The following ADGRL2 variants were observed in gnomAD, a reference collection of about 807,000 sequenced individuals.
ADGRL2 encodes the protein adhesion G protein-coupled receptor L2.
In ADGRL2, 44 loss-of-function variants were observed where a neutral mutation model predicts 157.4. The observed-to-expected ratio is 0.28, with a 90% CI of 0.22 to 0.36. The LOEUF (loss-of-function observed/expected upper bound fraction) is 0.36. Ranked by LOEUF, ADGRL2 falls within the 10% of genes least tolerant of loss-of-function variation. ADGRL2 has a pLI of 1.00. For missense variants in ADGRL2, 1,510 were observed against 1,768.9 expected, an observed-to-expected ratio of 0.85 and a Z score of 2.63; for synonymous variants, 585 against 624.7, an observed-to-expected ratio of 0.94 and a Z score of 0.95.
At chr1:81,873,642 A>G (rs1479484985) in intron 2 of ADGRL2, among the ~76,000 whole-genome samples, 1 of 152,068 alleles carries the variant, frequency 6.6e-6, no homozygotes, top group Non-Finnish European at 1.5e-5. Flanking sequence ...TTTGCTGATC[A>G]TGTTAGATAG....
intron 1 of ADGRL2, among the ~76,000 whole-genome samples, chr1:81,329,703 T>A (rs548060216): frequency 5.1e-4 from 78 of 152,304 alleles, no homozygotes; most frequent in Non-Finnish European, 9.7e-4. Context: ...CACCAACTGT[T>A]TTTTAGATGC....
chr1:81,837,954 T>G (rs908100508), intron 2 of ADGRL2, among the ~76,000 whole-genome samples: 6 of 151,948 alleles, frequency 3.9e-5, no homozygotes, highest in Non-Finnish European at 8.8e-5. Context: ...GGGTATAAAA[T>G]CTCTGAGAAA....
At chr1:81,941,969 T>G in intron 4 of ADGRL2, 65 bp from the exon 5 acceptor site, 1 of 725,286 alleles carries the variant, frequency 1.4e-6, no homozygotes, top group South Asian at 1.5e-5. Context: ...AGTCAATTTA[T>G]TTTAATCTTT....
Position 81,772,123 on chromosome 1 carries a change from A to G in ADGRL2, c.-101+10271A>G, listed in dbSNP as rs891292018. Among the ~76,000 whole-genome samples, 11 of 151,456 alleles carry G rather than the reference A, an allele frequency of 7.3e-5. No individual in the cohort carries two copies. In the East Asian group the frequency reaches 2.2e-3, roughly 30 times the overall value. On this transcript the variant is annotated intron_variant, in intron 2 of 20. Coordinates refer to the ADGRL2 transcript ENST00000359929. ...ACATTAGCTGGGCATAGTGGCGGGCACCTGTAATCCCAGCTACTTGAGAGG... is the reference window on the plus strand; with the variant it reads ...ACATTAGCTGGGCATAGTGGCGGGCGCCTGTAATCCCAGCTACTTGAGAGG...
chr1:81,340,091 T>C (rs188414400), intron 1 of ADGRL2, among the ~76,000 whole-genome samples: 5 of 152,308 alleles, frequency 3.3e-5, no homozygotes. Flanking sequence ...AATGAATGAA[T>C]GAGAAATCTG....
chr1:81,933,345 C>A (rs1348905236), intron 3 of ADGRL2, among the ~76,000 whole-genome samples: 1 of 152,056 alleles, frequency 6.6e-6, no homozygotes, highest in African/African-American at 2.4e-5. Flanking sequence ...CATGGTATTA[C>A]CAAAATATAC....
chr1:81,439,344 G>A (rs1442640869), intron 1 of ADGRL2, among the ~76,000 whole-genome samples: 1 of 152,208 alleles, frequency 6.6e-6, no homozygotes, highest in Admixed American at 6.5e-5. Flanking sequence ...CTGTAGGTTT[G>A]AATCCTGACT....
intron 1 of ADGRL2, among the ~76,000 whole-genome samples, chr1:81,822,206 G>A (rs2091055653): frequency 6.6e-6 from 1 of 150,676 alleles, no homozygotes; most frequent in South Asian, 2.1e-4. Flanking sequence ...TCTTTGTTTT[G>A]AAAGATGATA....
intron 1 of ADGRL2, among the ~76,000 whole-genome samples, chr1:81,748,802 G>A (rs2149259316): frequency 1.3e-5 from 2 of 151,926 alleles, no homozygotes; most frequent in Middle Eastern, 6.8e-3. Flanking sequence ...CAAGTAACTG[G>A]GATTACAGGT....
chr1:81,603,591 A>C (rs2148643002), intron 3 of ADGRL2, among the ~76,000 whole-genome samples: 1 of 152,354 alleles, frequency 6.6e-6, no homozygotes, highest in East Asian at 1.9e-4. Context: ...TATATTTCAC[A>C]GTGTCATCCA....
At chr1:81,661,468 A>C (rs1199699796) in intron 3 of ADGRL2, among the ~76,000 whole-genome samples, 1 of 152,192 alleles carries the variant, frequency 6.6e-6, no homozygotes, top group East Asian at 1.9e-4. Flanking sequence ...TCCATGGAAA[A>C]AGCATCTAAA....
intron 2 of ADGRL2, among the ~76,000 whole-genome samples, chr1:81,786,671 T>C (rs928464395): frequency 2.0e-5 from 3 of 152,238 alleles, no homozygotes; most frequent in Non-Finnish European, 2.9e-5. Flanking sequence ...TTGAAAAGTA[T>C]AATCTTAAGG....
chr1:81,961,509 C>CTT (rs5775655), intron 11 of ADGRL2, among the ~76,000 whole-genome samples: 9,471 of 137,208 alleles, frequency 0.069, 406 homozygotes, highest in East Asian at 0.11. Context: ...AATTTTCTTT[C>CTT]TTTTTTTTTT....
At chr1:81,594,460 C>T (rs1306497225) in intron 3 of ADGRL2, among the ~76,000 whole-genome samples, 1 of 152,140 alleles carries the variant, frequency 6.6e-6, no homozygotes, top group African/African-American at 2.4e-5. Context: ...AATATTTATC[C>T]TGCAGATGGT....
At chr1:81,803,576 T>G (rs1019186334) in intron 1 of ADGRL2, among the ~76,000 whole-genome samples, 10 of 151,924 alleles carry the variant, frequency 6.6e-5, no homozygotes, top group African/African-American at 2.4e-4. Flanking sequence ...TCCATTCCGT[T>G]CTTCCCGATA....
At chr1:81,969,055 C>T (rs1657958683) in intron 14 of ADGRL2, 123 bp from the exon 15 acceptor site, 2 of 710,240 alleles carry the variant, frequency 2.8e-6, no homozygotes, top group Non-Finnish European at 2.4e-6. Context: ...TTTTTGAACA[C>T]ATATGAATAG....
intron 3 of ADGRL2, among the ~76,000 whole-genome samples, chr1:81,680,954 T>A (rs113102560): frequency 5.5e-4 from 83 of 152,248 alleles, no homozygotes; most frequent in African/African-American, 2.0e-3. Flanking sequence ...TTCTTGAATT[T>A]TTTGACACAC....
At chr1:81,493,588 T>C (rs2078676549) in intron 2 of ADGRL2, among the ~76,000 whole-genome samples, 1 of 152,174 alleles carries the variant, frequency 6.6e-6, no homozygotes, top group East Asian at 1.9e-4. Context: ...GTGGAGGTTA[T>C]TTTGGGCAAG....
intron 1 of ADGRL2, among the ~76,000 whole-genome samples, chr1:81,817,358 T>C (rs2090514558): frequency 6.6e-6 from 1 of 151,946 alleles, no homozygotes; most frequent in Admixed American, 6.6e-5. Flanking sequence ...TTATCTTTAG[T>C]AGTCAGCTTC....
Sources: gnomAD v4.1 joint callset for allele counts (sites outside exome capture counted in the v4.1 genomes callset) on GRCh38, gnomAD v4.1.1 for gene constraint, MANE v1.5 for transcripts, NCBI Gene and HGNC (gene_info 2026-07-23, HGNC 2026-07-21) for gene names.